LRRC69: variants seen among roughly 807,000 people sequenced by gnomAD.
LRRC69 encodes leucine rich repeat containing 69.
In LRRC69, 42 loss-of-function variants were observed where a neutral mutation model predicts 37.8. The observed-to-expected ratio is 1.11, with a 90% confidence interval of 0.87 to 1.44. The LOEUF is 1.44. LRRC69 is among the 40% of genes most tolerant of loss of function. LRRC69 has a pLI of 0.00. For synonymous variants in LRRC69, 141 were observed against 143.1 expected (o/e 0.99, Z 0.11); for missense variants, 357 against 401.9 (o/e 0.89, Z 0.96).
At chr8:91,115,716 C>T (rs1055306647) in intron 1 of LRRC69, among the ~76,000 whole-genome samples, 2 of 151,698 alleles carry the variant, frequency 1.3e-5, no homozygotes, top group Non-Finnish European at 2.9e-5. Context: ...TAAATCAAAG[C>T]GATTTTCTAA....
At chr8:91,135,842 C>A in intron 5 of LRRC69, 103 bp downstream of exon 5, 1 of 533,358 alleles carries the variant, frequency 1.9e-6, no homozygotes, top group South Asian at 4.3e-5. Context: ...TAATTGAAAC[C>A]TTAAATTATA....
chr8:91,188,107 G>A (rs1809434318), intron 5 of LRRC69, among the ~76,000 whole-genome samples: 3 of 152,204 alleles, frequency 2.0e-5, no homozygotes, highest in Admixed American at 6.5e-5. Flanking sequence ...TTGTACCCAT[G>A]AGATTGTTAA....
intron 5 of LRRC69, among the ~76,000 whole-genome samples, chr8:91,147,872 C>A (rs546258755): frequency 3.3e-5 from 5 of 151,582 alleles, no homozygotes; most frequent in East Asian, 1.9e-4. Context: ...CCTGGCCCCC[C>A]CAACAGGCCT....
intron 7 of LRRC69, 88 bp downstream of exon 7, chr8:91,200,880 G>T (rs895846763): frequency 8.0e-7 from 1 of 1,254,394 alleles, no homozygotes; most frequent in Non-Finnish European, 1.1e-6. Context: ...AACTAGATTT[G>T]TACCTATGAT....
intron 5 of LRRC69, among the ~76,000 whole-genome samples, chr8:91,155,984 T>C (rs1003849023): frequency 6.7e-6 from 1 of 150,206 alleles, no homozygotes; most frequent in Non-Finnish European, 1.5e-5. Flanking sequence ...TTTTGCTGGA[T>C]ACTTAGGTTG....
chr8:91,155,232 T>TAA (rs150111061), intron 5 of LRRC69, among the ~76,000 whole-genome samples: 1 of 150,490 alleles, frequency 6.6e-6, no homozygotes, highest in African/African-American at 2.4e-5. Flanking sequence ...CCCTAAAAAT[T>TAA]AAAAAAAATT....
intron 5 of LRRC69, among the ~76,000 whole-genome samples, chr8:91,169,682 C>T: frequency 8.8e-6 from 1 of 114,166 alleles, no homozygotes; most frequent in South Asian, 3.2e-4. Flanking sequence ...CCTACCCCCA[C>T]CCCACAACAG....
intron 5 of LRRC69, among the ~76,000 whole-genome samples, chr8:91,163,290 C>G (rs1161059361): frequency 6.6e-6 from 1 of 151,330 alleles, no homozygotes; most frequent in East Asian, 1.9e-4. Context: ...ATTTTTTTAG[C>G]CTCCATAGAA....
At chr8:91,122,701 T>C (rs1405804692) in intron 1 of LRRC69, among the ~76,000 whole-genome samples, 1 of 152,084 alleles carries the variant, frequency 6.6e-6, no homozygotes, top group South Asian at 2.1e-4. Flanking sequence ...TCAGGGAGAT[T>C]TTCTTGGGCT....
chr8:91,182,778 A>T (rs1173306241), intron 5 of LRRC69, among the ~76,000 whole-genome samples: 1 of 152,226 alleles, frequency 6.6e-6, no homozygotes, highest in Non-Finnish European at 1.5e-5. Flanking sequence ...AGGAAACCAT[A>T]GAGGGTCTGC....
In LRRC69 at chr8:91,189,547, TC is replaced by T; in HGVS notation, c.678del (p.Tyr227ThrfsTer13). On this transcript the variant is annotated frameshift_variant, in exon 6 of 8. Transcript: ENST00000448384. LOFTEE classifies it high-confidence loss of function. ...TTTCAGGATCTGAAGCTGAGGGAAT[TC>T]TACTGTGAGGGAAACCCACTGTTCC... 1 of 1,550,966 alleles carries T rather than the reference TC, an allele frequency of 6.4e-7. No individual in the cohort carries two copies. The highest frequency in any genetic ancestry group is 8.7e-7 in the Non-Finnish European group (1 of 1,146,444).
intron 5 of LRRC69, chr8:91,157,903 A>G (rs770631553): frequency 1.3e-6 from 2 of 1,569,524 alleles, no homozygotes; most frequent in Admixed American, 1.7e-5. Flanking sequence ...ACATAGGCTC[A>G]AAGTACAAGA....
At chr8:91,146,744 A>G (rs569966275) in intron 5 of LRRC69, among the ~76,000 whole-genome samples, 1 of 151,872 alleles carries the variant, frequency 6.6e-6, no homozygotes, top group African/African-American at 2.4e-5. Context: ...TGAAAAATCA[A>G]AACTAATTTG....
intron 3 of LRRC69, among the ~76,000 whole-genome samples, chr8:91,128,914 G>A (rs1191159314): frequency 1.3e-5 from 2 of 152,112 alleles, no homozygotes; most frequent in South Asian, 2.1e-4. Context: ...GGCTGTGAAT[G>A]GGGTGGTATA....
At chr8:91,185,363 C>CTG (rs35797312) in intron 5 of LRRC69, among the ~76,000 whole-genome samples, 76,656 of 150,340 alleles carry the variant, frequency 0.51, 19,704 homozygotes, top group South Asian at 0.58. Flanking sequence ...CTCTCTCTAT[C>CTG]TGTGTGTGTG....
At chr8:91,102,639 T>A, upstream of LRRC69, 1 of 1,535,106 alleles carries the variant, frequency 6.5e-7, no homozygotes, top group Non-Finnish European at 8.8e-7. Context: ...GGTTACCTTG[T>A]TTTCTACTTC....
intron 7 of LRRC69, among the ~76,000 whole-genome samples, chr8:91,202,286 G>T (rs754315434): frequency 1.3e-5 from 2 of 152,170 alleles, no homozygotes; most frequent in East Asian, 3.8e-4. Context: ...TCTCACAGTT[G>T]TAGAGGCTAG....
At chr8:91,109,785 A>G (rs1813379915) in intron 1 of LRRC69, among the ~76,000 whole-genome samples, 1 of 152,076 alleles carries the variant, frequency 6.6e-6, no homozygotes. Context: ...CTCAATTTCT[A>G]GTGAAATTAT....
intron 7 of LRRC69, among the ~76,000 whole-genome samples, chr8:91,212,145 CTAA>C (rs1165115696): frequency 6.6e-6 from 1 of 152,084 alleles, no homozygotes; most frequent in African/African-American, 2.4e-5. Flanking sequence ...ATATTAGCTA[CTAA>C]TGATATAAAT....
Sources: allele counts gnomAD v4.1 joint callset (sites outside exome capture counted in the v4.1 genomes callset), GRCh38; gene constraint gnomAD v4.1.1; transcripts MANE v1.5; gene names NCBI Gene and HGNC (gene_info 2026-07-23, HGNC 2026-07-21).